The following NELL1 variants were observed in gnomAD, a reference collection of about 807,000 sequenced individuals.
NELL1 encodes the protein protein kinase C-binding protein NELL1.
Under a neutral mutation model 107.4 loss-of-function variants are expected in NELL1, and 76 were observed. That is an observed-to-expected ratio of 0.71 (90% CI 0.59 to 0.86). The LOEUF is 0.86. Ranked by LOEUF, NELL1 falls within the 40% of genes least tolerant of loss-of-function variation. The pLI, the probability that NELL1 is intolerant of heterozygous loss-of-function variation, is 0.00. For synonymous variants in NELL1, 353 were observed against 341.2 expected (o/e 1.03, Z -0.38); for missense variants, 1,024 against 1,005.5 (o/e 1.02, Z -0.25).
At chr11:20,899,439 A>T (rs2134129452) in intron 5 of NELL1, among the ~76,000 whole-genome samples, 1 of 152,320 alleles carries the variant, frequency 6.6e-6, no homozygotes, top group East Asian at 1.9e-4. Flanking sequence ...TAACTCAGAA[A>T]GATAATAAAT....
intron 12 of NELL1, among the ~76,000 whole-genome samples, chr11:21,000,633 C>T (rs372804843): frequency 6.6e-6 from 1 of 152,324 alleles, no homozygotes; most frequent in East Asian, 1.9e-4. Context: ...CAATTTATCT[C>T]AATGGAGTAC....
intron 3 of NELL1, among the ~76,000 whole-genome samples, chr11:20,829,912 G>A (rs1857970402): frequency 6.6e-6 from 1 of 152,014 alleles, no homozygotes; most frequent in Non-Finnish European, 1.5e-5. Flanking sequence ...GCTTGGTTAA[G>A]GTGGAGCCTG....
intron 14 of NELL1, among the ~76,000 whole-genome samples, chr11:21,302,327 A>T (rs1056425290): frequency 6.6e-6 from 1 of 151,928 alleles, no homozygotes; most frequent in Non-Finnish European, 1.5e-5. Flanking sequence ...CCTCCATGTG[A>T]CTTCTAAACC....
chr11:21,019,484 G>C (rs1852648149), intron 12 of NELL1, among the ~76,000 whole-genome samples: 1 of 152,034 alleles, frequency 6.6e-6, no homozygotes. Context: ...CATTCTTGTC[G>C]AATTAGGGGC....
chr11:20,928,251 A>T (rs1023352859), intron 8 of NELL1, 126 bp from the exon 9 acceptor site: 2 of 845,470 alleles, frequency 2.4e-6, no homozygotes, highest in Non-Finnish European at 4.1e-6. Flanking sequence ...CCTGGAGTGG[A>T]CTGGGAATTC....
intron 14 of NELL1, among the ~76,000 whole-genome samples, chr11:21,249,321 C>A (rs930236961): frequency 6.6e-6 from 1 of 152,060 alleles, no homozygotes; most frequent in Non-Finnish European, 1.5e-5. Context: ...GGTTTGACTA[C>A]AAAACCTATG....
intron 13 of NELL1, among the ~76,000 whole-genome samples, chr11:21,191,278 A>G (rs2133836026): frequency 6.6e-6 from 1 of 151,984 alleles, no homozygotes; most frequent in East Asian, 1.9e-4. Flanking sequence ...GAGGAAAGCA[A>G]GAAAGAGAGA....
At chr11:20,685,844 G>A (rs1854293603) in intron 2 of NELL1, among the ~76,000 whole-genome samples, 1 of 151,988 alleles carries the variant, frequency 6.6e-6, no homozygotes, top group Admixed American at 6.6e-5. Flanking sequence ...ATTAAAATCA[G>A]CATTTTTTGT....
intron 15 of NELL1, among the ~76,000 whole-genome samples, chr11:21,510,467 C>T (rs1289886516): frequency 6.6e-6 from 1 of 152,122 alleles, no homozygotes; most frequent in Non-Finnish European, 1.5e-5. Flanking sequence ...TCAGTCTTTC[C>T]TCTCTCATGC....
At chr11:20,761,194 T>A (rs1241774233) in intron 2 of NELL1, among the ~76,000 whole-genome samples, 3 of 152,180 alleles carry the variant, frequency 2.0e-5, no homozygotes, top group Non-Finnish European at 4.4e-5. Flanking sequence ...GTGTCAATGG[T>A]AAGGTGCAGT....
intron 14 of NELL1, among the ~76,000 whole-genome samples, chr11:21,340,617 G>T (rs1850541261): frequency 1.1e-5 from 1 of 90,634 alleles, no homozygotes; most frequent in Admixed American, 1.5e-4. Flanking sequence ...CTTTATGACG[G>T]GTTACACACA....
chr11:21,034,712 T>A (rs538479352), intron 12 of NELL1, among the ~76,000 whole-genome samples: 1 of 152,180 alleles, frequency 6.6e-6, no homozygotes, highest in Admixed American at 6.6e-5. Flanking sequence ...AGAATAAGGA[T>A]ACAACATACT....
intron 15 of NELL1, among the ~76,000 whole-genome samples, chr11:21,482,992 T>G (rs1313286508): frequency 6.6e-6 from 1 of 152,092 alleles, no homozygotes; most frequent in East Asian, 1.9e-4. Context: ...TCTATAATTT[T>G]TTTTTTCTTT....
At chr11:21,413,470 C>T (rs186057570) in intron 15 of NELL1, among the ~76,000 whole-genome samples, 8 of 152,134 alleles carry the variant, frequency 5.3e-5, no homozygotes, top group Non-Finnish European at 7.4e-5. Context: ...CTTTGAAAGA[C>T]GAGCTTAAAG....
chr11:20,692,769 T>TG (rs1854503630), intron 2 of NELL1, among the ~76,000 whole-genome samples: 1 of 152,198 alleles, frequency 6.6e-6, no homozygotes, highest in Non-Finnish European at 1.5e-5. Flanking sequence ...TTTGTTGATT[T>TG]GGGGTGGAAA....
chr11:20,691,472 T>C (rs571669379), intron 2 of NELL1, among the ~76,000 whole-genome samples: 9 of 152,264 alleles, frequency 5.9e-5, no homozygotes, highest in Non-Finnish European at 1.2e-4. Flanking sequence ...ATACCTAATT[T>C]ATTGAGCGTT....
At chr11:21,328,289 G>GTA (rs141900734) in intron 14 of NELL1, among the ~76,000 whole-genome samples, 4,156 of 152,230 alleles carry the variant, frequency 0.027, 277 homozygotes, top group East Asian at 0.17. Flanking sequence ...AGGGGCCGAT[G>GTA]TACAGTTCAG....
chr11:21,240,811 T>G lies in NELL1; in HGVS notation c.1549+11357T>G, dbSNP rs572235021. On this transcript the variant is annotated intron_variant, in intron 14 of 19. Coordinates refer to ENST00000357134, the MANE Select transcript of NELL1 (RefSeq NM_006157.5). ...TCTATTGGATGCGCTTAAAACACTT[T>G]CCATCACTTTCCAAAGTCAGCGCTT... is the stretch of plus-strand genomic sequence containing the variant. 2.0e-5 allele frequency among the ~76,000 whole-genome samples: 3 copies of G among 151,886 alleles called. No individual in the cohort carries two copies. The South Asian group carries it at 6.3e-4, about 32-fold the overall frequency.
At chr11:21,422,398 GA>G (rs1403097390) in intron 15 of NELL1, among the ~76,000 whole-genome samples, 1 of 151,922 alleles carries the variant, frequency 6.6e-6, no homozygotes, top group Non-Finnish European at 1.5e-5. Flanking sequence ...ATACATAAAA[GA>G]AAAACTATTA....
Sources: allele counts gnomAD v4.1 joint callset (sites outside exome capture counted in the v4.1 genomes callset), GRCh38; gene constraint gnomAD v4.1.1; transcripts MANE v1.5; gene names NCBI Gene and HGNC (gene_info 2026-07-23, HGNC 2026-07-21).